Variants in FKBP5 observed in about 807,000 individuals in gnomAD.
FKBP5 encodes the protein FKBP prolyl isomerase 5, also known as peptidyl-prolyl cis-trans isomerase FKBP5.
FKBP5 carries 23 observed loss-of-function variants against 50.5 expected under a neutral mutation model. The ratio of observed to expected loss-of-function variants is 0.46; its 90% confidence interval spans 0.33 to 0.65. The LOEUF is 0.65. FKBP5 is among the 30% of genes least tolerant of loss of function. The pLI, the probability that FKBP5 is intolerant of heterozygous loss-of-function variation, is 0.02. For synonymous variants in FKBP5, 176 were observed against 190.6 expected (o/e 0.92, Z 0.63); for missense variants, 411 against 553.1 (o/e 0.74, Z 2.58).
At chr6:35,711,811 G>T (rs1766418902) in intron 2 of FKBP5, among the ~76,000 whole-genome samples, 1 of 152,140 alleles carries the variant, frequency 6.6e-6, no homozygotes, top group East Asian at 1.9e-4. Flanking sequence ...ATGTAAAGTT[G>T]ATTTAAAACA....
chr6:35,611,721 A>T (rs1763500209), intron 5 of FKBP5, among the ~76,000 whole-genome samples: 1 of 152,230 alleles, frequency 6.6e-6, no homozygotes, highest in Non-Finnish European at 1.5e-5. Context: ...CAAGATGGTC[A>T]TCTTAACTGA....
At chr6:35,586,963 A>C (rs1230874702) in intron 8 of FKBP5, 71 bp downstream of exon 8, 10 of 1,608,000 alleles carry the variant, frequency 6.2e-6, no homozygotes, top group Non-Finnish European at 7.7e-6. Context: ...AGAGTAGGGA[A>C]TATCAGCACA....
chr6:35,673,953 C>T (rs1481355286), intron 1 of FKBP5, among the ~76,000 whole-genome samples: 2 of 152,240 alleles, frequency 1.3e-5, no homozygotes, highest in African/African-American at 4.8e-5. Context: ...TGAGCATATG[C>T]CTCTACTTCC....
intron 2 of FKBP5, among the ~76,000 whole-genome samples, chr6:35,717,896 G>A (rs941990718): frequency 1.3e-5 from 2 of 152,236 alleles, no homozygotes; most frequent in African/African-American, 4.8e-5. Context: ...TGGAGGCCCA[G>A]CAGAAGGAAG....
chr6:35,599,109 C>T (rs201989483), intron 5 of FKBP5, among the ~76,000 whole-genome samples: 1 of 4,164 alleles, frequency 2.4e-4, no homozygotes. Context: ...GGCTGATCTA[C>T]TTTACTTTAG....
intron 1 of FKBP5, chr6:35,651,960 C>T (rs961185788): frequency 3.0e-5 from 20 of 671,216 alleles, no homozygotes; most frequent in Middle Eastern, 6.3e-4. Flanking sequence ...AGTCAGGGAC[C>T]CCAAACGGAG....
intron 8 of FKBP5, chr6:35,582,126 T>C: frequency 1.0e-6 from 1 of 985,256 alleles, no homozygotes; most frequent in Non-Finnish European, 1.2e-6. Flanking sequence ...CCAGGCTACA[T>C]CCCTCGAACA....
At chr6:35,672,607 T>G (rs888241212) in intron 1 of FKBP5, among the ~76,000 whole-genome samples, 53 of 152,174 alleles carry the variant, frequency 3.5e-4, no homozygotes, top group African/African-American at 1.3e-3. Context: ...GCAAAATGAT[T>G]TCTTGATTAT....
intron 5 of FKBP5, among the ~76,000 whole-genome samples, chr6:35,618,750 A>T (rs1763733746): frequency 6.6e-6 from 1 of 151,934 alleles, no homozygotes; most frequent in Non-Finnish European, 1.5e-5. Context: ...GCTGGAGTGC[A>T]GTAGCACCAT....
intron 5 of FKBP5, among the ~76,000 whole-genome samples, chr6:35,608,583 T>C (rs149075174): frequency 1.1e-4 from 16 of 152,112 alleles, no homozygotes; most frequent in African/African-American, 3.9e-4. Context: ...GCTACTCCGG[T>C]GGCTGAGGTG....
chr6:35,724,304 C>T (rs1766662502), intron 1 of FKBP5, among the ~76,000 whole-genome samples: 1 of 152,130 alleles, frequency 6.6e-6, no homozygotes. Flanking sequence ...GCATGCCAGC[C>T]AGCCAAGAGA....
chr6:35,710,454 G>C (rs1258351499), intron 2 of FKBP5, among the ~76,000 whole-genome samples: 1 of 151,410 alleles, frequency 6.6e-6, no homozygotes, highest in Non-Finnish European at 1.5e-5. Flanking sequence ...GCTACAGAGT[G>C]AGATCTTGTC....
intron 5 of FKBP5, among the ~76,000 whole-genome samples, chr6:35,602,609 C>G (rs903738412): frequency 6.6e-6 from 1 of 151,638 alleles, no homozygotes; most frequent in Non-Finnish European, 1.5e-5. Flanking sequence ...TCTTAATAAC[C>G]CCCTGAAAAA....
intron 9 of FKBP5, 43 bp downstream of exon 9, chr6:35,579,993 T>C (rs1214404711): frequency 1.4e-6 from 2 of 1,444,058 alleles, no homozygotes; most frequent in East Asian, 2.4e-5. Flanking sequence ...GGAGAAAAGA[T>C]CTGGAGTATC....
intron 2 of FKBP5, among the ~76,000 whole-genome samples, chr6:35,703,418 A>T (rs531393022): frequency 5.3e-4 from 81 of 152,294 alleles, no homozygotes; most frequent in African/African-American, 1.9e-3. Context: ...CAAAAAAAAT[A>T]AAAATAAAAG....
At chr6:35,625,147 G>C (rs1362664221) in intron 3 of FKBP5, among the ~76,000 whole-genome samples, 1 of 152,094 alleles carries the variant, frequency 6.6e-6, no homozygotes, top group Non-Finnish European at 1.5e-5. Context: ...GCAGTGGCAC[G>C]ATCTTGGCTC....
At chr6:35,590,127 A>C (rs1172790283) in intron 7 of FKBP5, among the ~76,000 whole-genome samples, 1 of 152,152 alleles carries the variant, frequency 6.6e-6, no homozygotes, top group African/African-American at 2.4e-5. Context: ...GTGAGACCCC[A>C]TGTCTACAAA....
At chr6:35,655,084 G>A (rs550858984) in intron 1 of FKBP5, among the ~76,000 whole-genome samples, 5 of 152,240 alleles carry the variant, frequency 3.3e-5, no homozygotes, top group African/African-American at 1.2e-4. Context: ...CACTTTGGGA[G>A]GCTGACGTGG....
chr6:35,651,430 GGCTGGGGTATGTTGAGCAAGGGGT>G (rs1293447741), intron 1 of FKBP5, among the ~76,000 whole-genome samples: 4 of 152,104 alleles, frequency 2.6e-5, no homozygotes, highest in African/African-American at 9.7e-5. Context: ...AGAGAACTCT[GGCTGGGGTATGTTGAGCAAGGGGT>G]GCTTGTGCGA....
Sources: gnomAD v4.1 joint callset for allele counts (sites outside exome capture counted in the v4.1 genomes callset) on GRCh38, gnomAD v4.1.1 for gene constraint, MANE v1.5 for transcripts, NCBI Gene and HGNC (gene_info 2026-07-23, HGNC 2026-07-21) for gene names.